Variants in DNAJC7 observed in about 807,000 individuals in gnomAD.
DNAJC7 encodes dnaJ homolog subfamily C member 7.
In DNAJC7, 18 loss-of-function variants were observed where a neutral mutation model predicts 67.4. That is an observed-to-expected ratio of 0.27 (90% CI 0.18 to 0.40). DNAJC7 has a LOEUF of 0.40. Ranked by LOEUF, DNAJC7 falls within the 10% of genes least tolerant of loss-of-function variation. The pLI, the probability that DNAJC7 is intolerant of heterozygous loss-of-function variation, is 1.00. For synonymous variants in DNAJC7, 220 were observed against 207.8 expected (o/e 1.06, Z -0.50); for missense variants, 419 against 613.8 (o/e 0.68, Z 3.35).
At chr17:41,990,605 G>A (rs555750959) in intron 5 of DNAJC7, among the ~76,000 whole-genome samples, 2 of 151,938 alleles carry the variant, frequency 1.3e-5, no homozygotes, top group South Asian at 4.2e-4. Flanking sequence ...CATTTACTGG[G>A]TACTTTCATA....
chr17:42,012,381 G>A (rs1260607166), intron 1 of DNAJC7, among the ~76,000 whole-genome samples: 4 of 152,218 alleles, frequency 2.6e-5, no homozygotes, highest in Admixed American at 6.5e-5. Flanking sequence ...TACTCGGGAG[G>A]CTGAGGCAGG....
chr17:41,992,007 T>C (rs1555647851), intron 5 of DNAJC7, among the ~76,000 whole-genome samples: 1 of 152,026 alleles, frequency 6.6e-6, no homozygotes, highest in African/African-American at 2.4e-5. Flanking sequence ...GAACCATGAA[T>C]AGCACCTATT....
At chr17:41,982,444 G>GT (rs1555646142) in intron 10 of DNAJC7, 43 bp from the exon 11 acceptor site, 1 of 1,606,068 alleles carries the variant, frequency 6.2e-7, no homozygotes, top group Admixed American at 1.7e-5. Context: ...TCTGACTCTG[G>GT]TTTTTTCCTC....
intron 12 of DNAJC7, among the ~76,000 whole-genome samples, chr17:41,979,481 G>A (rs1349166224): frequency 4.0e-5 from 6 of 150,560 alleles, no homozygotes; most frequent in African/African-American, 9.8e-5. Context: ...AGACCAGCCC[G>A]GCCAACATGG....
intron 1 of DNAJC7, 52 bp from the exon 2 acceptor site, chr17:42,000,622 C>T: frequency 5.1e-6 from 7 of 1,374,292 alleles, no homozygotes; most frequent in Non-Finnish European, 7.1e-6. Flanking sequence ...GGAATAACCT[C>T]TGTAATCTTA....
chr17:41,982,517 C>T (rs1287207011), intron 10 of DNAJC7, 116 bp from the exon 11 acceptor site: 23 of 1,341,346 alleles, frequency 1.7e-5, no homozygotes, highest in Admixed American at 2.2e-5. Flanking sequence ...GGGACTTTTA[C>T]GGTGCTTTCT....
intron 12 of DNAJC7, chr17:41,977,588 T>C (rs1244818224): frequency 5.3e-5 from 18 of 338,782 alleles, no homozygotes; most frequent in Non-Finnish European, 2.7e-5. Flanking sequence ...GCTTGCTTCA[T>C]TGGGCTGTTT....
At chr17:41,984,477 A>ATT in intron 9 of DNAJC7, 1 of 142,492 alleles carries the variant, frequency 7.0e-6, no homozygotes, top group East Asian at 2.1e-4. Context: ...CTAATTTTTT[A>ATT]TTTTTTTTTT....
In DNAJC7 at chr17:41,976,780, A is replaced by G. The variant is rs1567950786; in HGVS notation, c.1448-10T>C. Reference sequence around the variant, plus strand: ...TTCCCTGGACCAGATGCTGAAAGAGAAAAGAGGGGTTGGTAGTTGGCTATG... The same window carrying G: ...TTCCCTGGACCAGATGCTGAAAGAGGAAAGAGGGGTTGGTAGTTGGCTATG... On this transcript the variant is annotated splice_polypyrimidine_tract_variant and intron_variant, in intron 13 of 13. Coordinates refer to ENST00000457167, the MANE Select transcript of DNAJC7 (RefSeq NM_003315.4). 2.5e-6 allele frequency: 4 copies of G among 1,609,890 alleles called. No homozygotes were observed. Among genetic ancestry groups the G allele is most frequent in the Non-Finnish European group, 2.5e-6 (3 of 1,179,144 alleles).
chr17:41,977,757 C>G (rs782715287), intron 12 of DNAJC7: 2 of 156,370 alleles, frequency 1.3e-5, no homozygotes, highest in Non-Finnish European at 2.8e-5. Flanking sequence ...GTATTTGATT[C>G]CATGTCTTTT....
chr17:41,978,128 C>T (rs928481966), intron 12 of DNAJC7, among the ~76,000 whole-genome samples: 5 of 152,146 alleles, frequency 3.3e-5, no homozygotes, highest in African/African-American at 9.7e-5. Flanking sequence ...CACATGGCAG[C>T]GAAAGCAGCA....
intron 12 of DNAJC7, among the ~76,000 whole-genome samples, chr17:41,978,454 C>A (rs907536930): frequency 6.6e-6 from 1 of 152,208 alleles, no homozygotes; most frequent in East Asian, 1.9e-4. Context: ...TCCTTTCCTA[C>A]CTTTTGTGTC....
At chr17:42,007,438 C>CA (rs1263244503) in intron 1 of DNAJC7, among the ~76,000 whole-genome samples, 1 of 152,138 alleles carries the variant, frequency 6.6e-6, no homozygotes, top group Non-Finnish European at 1.5e-5. Flanking sequence ...CCCTGACCTT[C>CA]ATGACAAAAT....
intron 9 of DNAJC7, among the ~76,000 whole-genome samples, chr17:41,986,230 G>C (rs1346132653): frequency 2.0e-5 from 3 of 151,878 alleles, no homozygotes; most frequent in African/African-American, 7.3e-5. Flanking sequence ...GCTGGGTGTG[G>C]TGACATGCGC....
rs782082498 is a variant in DNAJC7 at position 41,990,346 on chromosome 17, G to C, written c.517C>G (p.Pro173Ala). Reference protein sequence around the residue: ...FCMDRALEFAPACHRFKILKA... With the variant: ...FCMDRALEFAAACHRFKILKA... ...AGGATTTTGAAGCGATGGCAGGCAG[G>C]GGCAAATTCTAGGGCACGGTCCATG... The change falls in exon 6 of 14, where the codon CCT becomes GCT. Residue 173 changes from proline (P) to alanine (A), a missense_variant. By Grantham distance (27) the Pro-to-Ala change is conservative. Coordinates refer to ENST00000457167, the MANE Select transcript of DNAJC7 (RefSeq NM_003315.4). 2.5e-6 allele frequency: 4 copies of C among 1,611,216 alleles called. No individual in the cohort carries two copies. The highest frequency in any genetic ancestry group is 2.7e-5 in the African/African-American group (2 of 74,856).
intron 5 of DNAJC7, among the ~76,000 whole-genome samples, chr17:41,992,084 G>C (rs781867233): frequency 1.3e-4 from 20 of 152,224 alleles, no homozygotes; most frequent in Non-Finnish European, 2.5e-4. Flanking sequence ...GTTTCACTGA[G>C]AAGACTTTCT....
Position 41,990,338 on chromosome 17 carries a change from G to A in DNAJC7, c.525C>T (p.Cys175=), listed in dbSNP as rs546150146. The A allele has an allele frequency of 2.1e-5, 34 of 1,611,508 alleles. No individual in the cohort carries two copies. In the South Asian group the frequency reaches 3.5e-4, roughly 17 times the overall value. Residue 175 remains cysteine (C), a synonymous_variant, in exon 6 of 14, where the codon TGC becomes TGT. Coordinates refer to ENST00000457167, the MANE Select transcript of DNAJC7 (RefSeq NM_003315.4). The part of the protein sequence containing the change: ...MDRALEFAPA[C]HRFKILKAEC... ...CTGCCTTGAGGATTTTGAAGCGATG[G>A]CAGGCAGGGGCAAATTCTAGGGCAC...
At chr17:41,995,022 T>C (rs531664619) in intron 4 of DNAJC7, 78 bp from the exon 5 acceptor site, 1 of 1,160,306 alleles carries the variant, frequency 8.6e-7, no homozygotes, top group Non-Finnish European at 1.3e-6. Flanking sequence ...AACAAGGCCT[T>C]GATGAATTTG....
intron 5 of DNAJC7, among the ~76,000 whole-genome samples, chr17:41,991,413 G>T (rs1430141130): frequency 6.6e-6 from 1 of 152,162 alleles, no homozygotes; most frequent in African/African-American, 2.4e-5. Context: ...GAATGAAGAA[G>T]CTCTTCATGT....
Sources: allele counts gnomAD v4.1 joint callset (sites outside exome capture counted in the v4.1 genomes callset), GRCh38; gene constraint gnomAD v4.1.1; transcripts MANE v1.5; gene names NCBI Gene and HGNC (gene_info 2026-07-23, HGNC 2026-07-21).